Variants in MORN5 observed in about 807,000 individuals in gnomAD.
MORN5 encodes the protein MORN repeat containing 5, also known as MORN repeat-containing protein 5.
Under a neutral mutation model 22.1 loss-of-function variants are expected in MORN5, and 21 were observed. The observed-to-expected ratio is 0.95, with a 90% CI of 0.67 to 1.37. The LOEUF is 1.37. MORN5 is among the 40% of genes most tolerant of loss of function. The pLI is 0.00. For missense variants in MORN5, 211 were observed against 215.1 expected, an observed-to-expected ratio of 0.98 and a Z score of 0.12; for synonymous variants, 73 against 74.0, an observed-to-expected ratio of 0.99 and a Z score of 0.07.
chr9:122,195,968 A>ATTTATTTATT (rs1829879248), intron 4 of MORN5, among the ~76,000 whole-genome samples: 3 of 147,488 alleles, frequency 2.0e-5, no homozygotes, highest in Admixed American at 1.3e-4. Flanking sequence ...ATTTTGTTTT[A>ATTTATTTATT]TATTTATTTA....
chr9:122,160,091 T>C (rs1588298226), intron 1 of MORN5, 72 bp downstream of exon 1: 1 of 1,398,700 alleles, frequency 7.1e-7, no homozygotes, highest in East Asian at 2.3e-5. Flanking sequence ...TTTTTGCTTC[T>C]GCGAAACACC....
chr9:122,195,181 C>T (rs1221461742), intron 4 of MORN5, among the ~76,000 whole-genome samples: 1 of 152,150 alleles, frequency 6.6e-6, no homozygotes, highest in Non-Finnish European at 1.5e-5. Context: ...AGGGAGCACA[C>T]TGGGTTTTCA....
chr9:122,173,453 G>T (rs536418908), intron 3 of MORN5, among the ~76,000 whole-genome samples: 52 of 152,284 alleles, frequency 3.4e-4, no homozygotes, highest in African/African-American at 1.2e-3. Context: ...TAGGATCAGG[G>T]TCAGTGTCAG....
intron 1 of MORN5, among the ~76,000 whole-genome samples, chr9:122,163,213 A>G (rs1204890094): frequency 6.6e-6 from 1 of 152,218 alleles, no homozygotes; most frequent in African/African-American, 2.4e-5. Context: ...GCATTTATGT[A>G]GTAACTACTG....
chr9:122,191,082 A>C (rs1442204532), intron 4 of MORN5, among the ~76,000 whole-genome samples: 1 of 152,076 alleles, frequency 6.6e-6, no homozygotes, highest in Admixed American at 6.5e-5. Flanking sequence ...CCCTGTGCTC[A>C]CTGCCACCCT....
chr9:122,166,630 A>T (rs1180912029), intron 1 of MORN5, 138 bp from the exon 2 acceptor site: 19 of 754,578 alleles, frequency 2.5e-5, no homozygotes, highest in Non-Finnish European at 3.9e-5. Context: ...CAAAACAAAA[A>T]TTTTGTTTTC....
intron 4 of MORN5, among the ~76,000 whole-genome samples, chr9:122,198,492 G>T (rs778388114): frequency 1.9e-4 from 29 of 152,250 alleles, no homozygotes; most frequent in Non-Finnish European, 3.7e-4. Context: ...CTGGTTAAAG[G>T]CAGGGAGTGG....
At chr9:122,190,488 TAA>T (rs1829738555) in intron 4 of MORN5, among the ~76,000 whole-genome samples, 1 of 152,266 alleles carries the variant, frequency 6.6e-6, no homozygotes, top group African/African-American at 2.4e-5. Context: ...ATTTAATAAT[TAA>T]GTCTGAATGC....
intron 4 of MORN5, among the ~76,000 whole-genome samples, chr9:122,186,723 T>C (rs1363884952): frequency 1.3e-5 from 2 of 152,138 alleles, no homozygotes; most frequent in Non-Finnish European, 2.9e-5. Flanking sequence ...CCTGGAGGCA[T>C]TCGAAGGACA....
intron 4 of MORN5, chr9:122,175,510 T>C: frequency 1.0e-6 from 1 of 985,416 alleles, no homozygotes; most frequent in Non-Finnish European, 1.2e-6. Context: ...TATCCTTTTC[T>C]GAAGTCACAC....
intron 3 of MORN5, among the ~76,000 whole-genome samples, chr9:122,170,603 C>T (rs1221992247): frequency 6.6e-6 from 1 of 152,188 alleles, no homozygotes; most frequent in African/African-American, 2.4e-5. Flanking sequence ...CCCAGTCAGC[C>T]TTCCTAGTCC....
chr9:122,168,496 C>T (rs914509895), intron 2 of MORN5, among the ~76,000 whole-genome samples: 1 of 152,174 alleles, frequency 6.6e-6, no homozygotes, highest in Non-Finnish European at 1.5e-5. Context: ...AAGAAAGGCT[C>T]CTTGTTTTAT....
At chr9:122,163,442 G>T (rs1387337675) in intron 1 of MORN5, among the ~76,000 whole-genome samples, 2 of 152,212 alleles carry the variant, frequency 1.3e-5, no homozygotes, top group Non-Finnish European at 2.9e-5. Context: ...CCCTTCAGAG[G>T]CCACATACAG....
At chr9:122,160,331 CAAAT>C (rs1355026995) in intron 1 of MORN5, among the ~76,000 whole-genome samples, 1 of 152,032 alleles carries the variant, frequency 6.6e-6, no homozygotes, top group African/African-American at 2.4e-5. Context: ...TGCCAATAAA[CAAAT>C]AAGTGATAAA....
At chr9:122,182,116 C>T (rs900079586) in intron 4 of MORN5, among the ~76,000 whole-genome samples, 2 of 152,170 alleles carry the variant, frequency 1.3e-5, no homozygotes. Flanking sequence ...ATTCAGAGCC[C>T]CAGCCTAACT....
intron 3 of MORN5, among the ~76,000 whole-genome samples, chr9:122,171,245 C>T (rs1272268383): frequency 6.6e-6 from 1 of 152,202 alleles, no homozygotes; most frequent in Non-Finnish European, 1.5e-5. Context: ...AGCACTCAGG[C>T]ACTGGAGTCA....
chr9:122,171,422 C>T (rs1346618505), intron 3 of MORN5, among the ~76,000 whole-genome samples: 1 of 152,162 alleles, frequency 6.6e-6, no homozygotes, highest in Admixed American at 6.5e-5. Flanking sequence ...TCAACATCCC[C>T]CCACCCCCAG....
intron 4 of MORN5, among the ~76,000 whole-genome samples, chr9:122,199,606 G>T (rs776219263): frequency 3.3e-5 from 5 of 152,172 alleles, no homozygotes; most frequent in Admixed American, 6.5e-5. Flanking sequence ...GCTGCTCTCT[G>T]CCTGTCAGGA....
intron 4 of MORN5, chr9:122,175,724 A>G (rs2118758381): frequency 1.0e-6 from 1 of 978,372 alleles, no homozygotes; most frequent in Admixed American, 6.1e-5. Context: ...GGTAGACCAG[A>G]ACATCTGTGC....
Sources: gnomAD v4.1 joint callset for allele counts (sites outside exome capture counted in the v4.1 genomes callset) on GRCh38, gnomAD v4.1.1 for gene constraint, MANE v1.5 for transcripts, NCBI Gene and HGNC (gene_info 2026-07-23, HGNC 2026-07-21) for gene names.